Variants in CLCNKB observed in about 807,000 individuals in gnomAD.
The protein encoded by CLCNKB is chloride voltage-gated channel Kb.
Under a neutral mutation model 83.8 loss-of-function variants are expected in CLCNKB, and 74 were observed. That is an observed-to-expected ratio of 0.88 (90% CI 0.73 to 1.07). The LOEUF is 1.07. CLCNKB is among the 50% of genes least tolerant of loss of function. The probability of loss-of-function intolerance (pLI) is 0.00; values close to 1 mark genes in which losing one functional copy is unlikely to be tolerated. For synonymous variants in CLCNKB, 358 were observed against 356.6 expected (o/e 1.00, Z -0.04); for missense variants, 798 against 893.6 (o/e 0.89, Z 1.36).
At position 16,048,049 on chromosome 1, in the gene CLCNKB, G is replaced by C; in HGVS notation, c.498+5G>C. Reference sequence around the variant, plus strand: ...ACCCTCTTCCTCGGGAAAGTGGTATGGGCAGGGGTGAGGGCATCCCAACCA... The same window carrying C: ...ACCCTCTTCCTCGGGAAAGTGGTATCGGCAGGGGTGAGGGCATCCCAACCA... On this transcript the variant is annotated splice_donor_5th_base_variant and intron_variant, in intron 5 of 19. Transcript: ENST00000375679. 2 of 1,612,396 alleles carry C rather than the reference G, an allele frequency of 1.2e-6. No homozygotes were observed. The highest frequency in any genetic ancestry group is 1.7e-6 in the Non-Finnish European group (2 of 1,178,892).
chr1:16,044,733 G>A (rs2124081726), intron 2 of CLCNKB, 141 bp downstream of exon 2: 4 of 726,624 alleles, frequency 5.5e-6, no homozygotes, highest in South Asian at 1.7e-5. Flanking sequence ...AGTCTCCTGG[G>A]TGGCAGGGAG....
chr1:16,049,188 G>T lies in CLCNKB; in HGVS notation c.724G>T (p.Ala242Ser). The T allele has an allele frequency of 6.2e-7, 1 of 1,613,564 alleles. No homozygotes were observed. The highest frequency in any genetic ancestry group is 8.5e-7 in the Non-Finnish European group (1 of 1,180,002). Residue 242 changes from alanine to serine, a missense_variant, in exon 8 of 20, where the codon GCG (alanine) becomes TCG (serine). Physicochemically the swap from Ala to Ser is moderately conservative, Grantham distance 99. Coordinates refer to ENST00000375679, the MANE Select transcript of CLCNKB (RefSeq NM_000085.5). ...CTGGGATTACTGGAGGGGCTTCTTT[G>T]CGGCCACCTGCGGGGCCTTCATGTT... ...SVWDYWRGFF[A>S]ATCGAFMFRL...
In CLCNKB at chr1:16,044,532, A is replaced by T; in HGVS notation, c.40A>T (p.Asn14Tyr). The T allele has an allele frequency of 6.2e-7, 1 of 1,607,208 alleles. No individual in the cohort carries two copies. The change falls in exon 2 of 20, where the codon AAC becomes TAC. Residue 14 changes from asparagine to tyrosine, a missense_variant. By Grantham distance (143) the Asn-to-Tyr change is moderately radical. Coordinates refer to ENST00000375679, the MANE Select transcript of CLCNKB (RefSeq NM_000085.5). ...GGGGCTGCGTGAAGGCTCCTCAGGG[A>T]ACCCTGTGACTCTGCAGGAGCTGTG... ...FVGLREGSSG[N>Y]PVTLQELWGP...
intron 2 of CLCNKB, 31 bp downstream of exon 2, chr1:16,044,623 G>A (rs1391946957): frequency 6.5e-7 from 1 of 1,538,348 alleles, no homozygotes; most frequent in Non-Finnish European, 8.9e-7. Flanking sequence ...CCTTCCCCCT[G>A]GAGGACCACT....
At chr1:16,050,766 C>G (rs1045254484) in intron 11 of CLCNKB, 109 bp from the exon 12 acceptor site, 16 of 1,563,208 alleles carry the variant, frequency 1.0e-5, no homozygotes, top group Non-Finnish European at 1.4e-5. Flanking sequence ...CAAGGCCCCC[C>G]GCTGGGAAGT....
intron 15 of CLCNKB, 120 bp downstream of exon 15, chr1:16,052,531 C>G (rs2023328361): frequency 1.8e-5 from 19 of 1,074,266 alleles, no homozygotes; most frequent in Admixed American, 2.3e-5. Flanking sequence ...GGGGCTGACA[C>G]ACAGCTGTGC....
Position 16,049,157 on chromosome 1 carries a change from C to A in CLCNKB, c.693C>A (p.Phe231Leu). The A allele has an allele frequency of 6.2e-7, 1 of 1,613,504 alleles. No individual in the cohort carries two copies. Among genetic ancestry groups the A allele is most frequent in the Non-Finnish European group, 8.5e-7 (1 of 1,180,010 alleles). Residue 231 changes from phenylalanine (F) to leucine (L), a missense_variant, in exon 8 of 20, where the codon TTC becomes TTA. Phe to Leu is a conservative substitution (Grantham distance 22). Transcript: ENST00000375679. ...LFSIEVMSSHFSVWDYWRGFF... is the reference protein window; with the variant it reads ...LFSIEVMSSHLSVWDYWRGFF... ...GCATCGAGGTCATGTCTTCCCACTT[C>A]TCTGTCTGGGATTACTGGAGGGGCT...
chr1:16,051,871 G>A (rs1428082598), intron 14 of CLCNKB, 51 bp downstream of exon 14: 9 of 1,482,690 alleles, frequency 6.1e-6, no homozygotes, highest in Non-Finnish European at 8.5e-6. Context: ...GGCTGGGCTG[G>A]ACCTGGAGAA....
At chr1:16,048,957 C>A in intron 7 of CLCNKB, 163 bp from the exon 8 acceptor site, 1 of 1,513,408 alleles carries the variant, frequency 6.6e-7, no homozygotes, top group Non-Finnish European at 8.8e-7. Context: ...GCGGGCTCCT[C>A]CCCGCCCAGG....
rs574734979 is a variant in CLCNKB, at chr1:16,048,118, C to A, written c.498+74C>A. On this transcript the variant is annotated intron_variant, in intron 5 of 19. Transcript: ENST00000375679. ...CCCCAGTCTCACCCCCATCACCCCA[C>A]GAAAGCTGCGTCAGAGGGGACTTGG... The A allele has an allele frequency of 4.2e-5, 65 of 1,557,670 alleles. No individual in the cohort carries two copies. The East Asian group carries it at 1.4e-3, about 34-fold the overall frequency.
At chr1:16,056,218 C>G (rs2023433909) in intron 18 of CLCNKB, among the ~76,000 whole-genome samples, 2 of 152,074 alleles carry the variant, frequency 1.3e-5, no homozygotes, top group Admixed American at 6.5e-5. Flanking sequence ...ATATTAGGTC[C>G]TGTTTACCTG....
intron 14 of CLCNKB, 135 bp from the exon 15 acceptor site, chr1:16,052,063 G>A: frequency 8.4e-7 from 1 of 1,197,044 alleles, no homozygotes; most frequent in Non-Finnish European, 1.2e-6. Context: ...CCCAGGCACT[G>A]GGCACTTCCC....
At chr1:16,050,165 C>A (rs2023242861) in intron 10 of CLCNKB, among the ~76,000 whole-genome samples, 1 of 150,578 alleles carries the variant, frequency 6.6e-6, no homozygotes, top group South Asian at 2.1e-4. Context: ...GAACCCCAAC[C>A]CCCTCACTGA....
Position 16,051,744 on chromosome 1 carries a change from C to T in CLCNKB, c.1332C>T (p.Leu444=), listed in dbSNP as rs1309674661. The T allele has an allele frequency of 3.7e-6, 6 of 1,613,800 alleles. No individual in the cohort carries two copies. In the African/African-American group the frequency reaches 6.7e-5, roughly 18 times the overall value. The change falls in exon 14 of 20, where the codon CTC becomes CTT. Residue 444 remains leucine, a synonymous_variant. Coordinates refer to ENST00000375679, the MANE Select transcript of CLCNKB (RefSeq NM_000085.5). The part of the protein sequence containing the change: ...AAIGRLFGET[L]SFIFPEGIVA... ...TCGGGCGCCTCTTTGGGGAGACTCT[C>T]TCTTTTATCTTCCCTGAGGGCATCG...
At chr1:16,047,845 AGT>A in intron 4 of CLCNKB, 58 bp from the exon 5 acceptor site, 1 of 1,552,964 alleles carries the variant, frequency 6.4e-7, no homozygotes. Flanking sequence ...ACACAGGTAG[AGT>A]GTTGAGATTT....
chr1:16,048,254 G>A, intron 5 of CLCNKB, 89 bp from the exon 6 acceptor site: 5 of 1,541,056 alleles, frequency 3.2e-6, no homozygotes, highest in Non-Finnish European at 4.5e-6. Flanking sequence ...AGATGGAGGA[G>A]GGGGTGTTGG....
At chr1:16,053,453 A>G (rs2124106555) in intron 15 of CLCNKB, among the ~76,000 whole-genome samples, 186 bp from the exon 16 acceptor site, 1 of 152,218 alleles carries the variant, frequency 6.6e-6, no homozygotes, top group African/African-American at 2.4e-5. Flanking sequence ...GTCATCGGCG[A>G]TGTGGTCCCC....
intron 16 of CLCNKB, among the ~76,000 whole-genome samples, chr1:16,054,704 C>G (rs79764495): frequency 1.3e-5 from 2 of 152,112 alleles, no homozygotes; most frequent in Non-Finnish European, 2.9e-5. Context: ...AGAGCCTTCA[C>G]TTCCTGGATC....
In CLCNKB at chr1:16,051,520, G is replaced by A. The variant is rs769163950; in HGVS notation, c.1270G>A (p.Gly424Arg). The A allele has an allele frequency of 1.1e-5, 17 of 1,614,072 alleles. No individual in the cohort carries two copies. The South Asian group carries it at 1.3e-4, about 13-fold the overall frequency. Reference sequence around the variant, plus strand: ...GGCCACCACCATCCCCATGCCTGCCGGGTACTTCATGCCCATCTTTGTCTA... The same window carrying A: ...GGCCACCACCATCCCCATGCCTGCCAGGTACTTCATGCCCATCTTTGTCTA... Reference protein sequence around the residue: ...ILATTIPMPAGYFMPIFVYGA... With the variant: ...ILATTIPMPARYFMPIFVYGA... Residue 424 changes from glycine to arginine, a missense_variant, in exon 13 of 20, where the codon GGG (glycine) becomes AGG (arginine). By Grantham distance (125) the Gly-to-Arg change is moderately radical (BLOSUM62 -2). Coordinates refer to ENST00000375679, the MANE Select transcript of CLCNKB (RefSeq NM_000085.5).
Sources: gnomAD v4.1 joint callset for allele counts (sites outside exome capture counted in the v4.1 genomes callset) on GRCh38, gnomAD v4.1.1 for gene constraint, MANE v1.5 for transcripts, NCBI Gene and HGNC (gene_info 2026-07-23, HGNC 2026-07-21) for gene names.